The following DCDC2 variants were observed in gnomAD, a reference collection of about 807,000 sequenced individuals.
DCDC2 encodes the protein doublecortin domain-containing protein 2.
Under a neutral mutation model 50.2 loss-of-function variants are expected in DCDC2, and 40 were observed. That is an observed-to-expected ratio of 0.80 (90% CI 0.62 to 1.04). DCDC2 has a LOEUF of 1.04. DCDC2 is among the 50% of genes least tolerant of loss of function. The probability of loss-of-function intolerance (pLI) is 0.00; values close to 1 mark genes in which losing one functional copy is unlikely to be tolerated. For missense variants in DCDC2, 570 were observed against 581.9 expected, an observed-to-expected ratio of 0.98 and a Z score of 0.21; for synonymous variants, 234 against 210.6, an observed-to-expected ratio of 1.11 and a Z score of -0.96.
intron 7 of DCDC2, among the ~76,000 whole-genome samples, chr6:24,251,252 G>C (rs565859827): frequency 6.6e-6 from 1 of 152,126 alleles, no homozygotes. Context: ...TTCAAAACAG[G>C]AGGATACATG....
the DCDC2 span, among the ~76,000 whole-genome samples, chr6:24,367,611 G>C: frequency 1.3e-5 from 2 of 152,174 alleles, no homozygotes; most frequent in Non-Finnish European, 2.9e-5. Flanking sequence ...CAAAATGTGA[G>C]GCAAAGAATT....
At chr6:24,224,802 G>A (rs1309991632) in intron 7 of DCDC2, among the ~76,000 whole-genome samples, 1 of 152,078 alleles carries the variant, frequency 6.6e-6, no homozygotes, top group Non-Finnish European at 1.5e-5. Context: ...ATCATAGGTA[G>A]CACTTACCAC....
chr6:24,301,468 TA>T (rs1759373267), intron 4 of DCDC2, among the ~76,000 whole-genome samples: 1 of 150,468 alleles, frequency 6.6e-6, no homozygotes, highest in Non-Finnish European at 1.5e-5. Flanking sequence ...AATCAAAGAA[TA>T]AAAATCGTTA....
intron 8 of DCDC2, among the ~76,000 whole-genome samples, chr6:24,190,817 G>C (rs1022157656): frequency 2.0e-5 from 3 of 152,202 alleles, no homozygotes; most frequent in Non-Finnish European, 4.4e-5. Flanking sequence ...TATATGACTT[G>C]AAAATAATGA....
chr6:24,340,709 T>C (rs1284487319), intron 2 of DCDC2, among the ~76,000 whole-genome samples: 1 of 152,158 alleles, frequency 6.6e-6, no homozygotes. Context: ...TGATATTAGA[T>C]GACTTATTTT....
At chr6:24,208,464 A>C (rs1761775894) in intron 7 of DCDC2, among the ~76,000 whole-genome samples, 1 of 136,270 alleles carries the variant, frequency 7.3e-6, no homozygotes, top group Non-Finnish European at 1.5e-5. Context: ...TCCGCCTCCC[A>C]GGTTCACACC....
intron 7 of DCDC2, among the ~76,000 whole-genome samples, chr6:24,220,918 G>GCGAGCGAGCGAGAGAGTGAGTGAA (rs1762104304): frequency 6.6e-6 from 1 of 152,080 alleles, no homozygotes; most frequent in Admixed American, 6.5e-5. Flanking sequence ...GAGTGAGCGA[G>GCGAGCGAGCGAGAGAGTGAGTGAA]CGAGCGAGAG....
intron 4 of DCDC2, among the ~76,000 whole-genome samples, chr6:24,301,304 G>A (rs1243996626): frequency 7.0e-6 from 1 of 143,586 alleles, no homozygotes; most frequent in East Asian, 2.1e-4. Context: ...CCGGGAGGCG[G>A]AGCTTGCAGT....
chr6:24,291,554 C>T (rs1377419256), intron 4 of DCDC2, among the ~76,000 whole-genome samples: 1 of 132,338 alleles, frequency 7.6e-6, no homozygotes, highest in African/African-American at 2.8e-5. Context: ...GGCAGGATCT[C>T]GGCTCACTGC....
intron 7 of DCDC2, among the ~76,000 whole-genome samples, chr6:24,250,994 G>A (rs995232655): frequency 6.6e-6 from 1 of 152,090 alleles, no homozygotes; most frequent in African/African-American, 2.4e-5. Context: ...CAAGGAAAGA[G>A]GTATAGTCTA....
intron 7 of DCDC2, among the ~76,000 whole-genome samples, chr6:24,213,544 TAAG>T (rs895365135): frequency 5.9e-5 from 9 of 152,184 alleles, no homozygotes; most frequent in East Asian, 1.9e-4. Context: ...TTAAAATTGG[TAAG>T]AAGGTGATAT....
chr6:24,302,159 T>G (rs1759391182), intron 2 of DCDC2, 115 bp from the exon 3 acceptor site: 1 of 862,592 alleles, frequency 1.2e-6, no homozygotes, highest in Non-Finnish European at 1.8e-6. Flanking sequence ...GTGCCTTTGT[T>G]AAAACCTTGC....
At position 24,313,204 on chromosome 6, in the gene DCDC2, C is replaced by A. The variant is rs548228450; in HGVS notation, c.349-11160G>T. Among the ~76,000 whole-genome samples the A allele has an allele frequency of 5.3e-5, 8 of 152,196 alleles. No homozygotes were observed. The East Asian group carries it at 1.5e-3, about 29-fold the overall frequency. On this transcript the variant is annotated intron_variant, in intron 2 of 9. Coordinates refer to ENST00000378454, the MANE Select transcript of DCDC2 (RefSeq NM_016356.5). ...AATAATTATTTGCAATGGGCACTTA[C>A]AAGAAAATAAATGTTACTTGAATAC...
intron 9 of DCDC2, 52 bp downstream of exon 9, chr6:24,178,278 C>T: frequency 6.7e-7 from 1 of 1,491,084 alleles, no homozygotes; most frequent in Non-Finnish European, 9.2e-7. Context: ...CACGCATGTA[C>T]ACACACACAT....
At chr6:24,318,538 A>G (rs1302482495) in intron 2 of DCDC2, among the ~76,000 whole-genome samples, 1 of 152,068 alleles carries the variant, frequency 6.6e-6, no homozygotes, top group Non-Finnish European at 1.5e-5. Context: ...GTAATTTCTC[A>G]TCATTCATCC....
At chr6:24,253,300 CATT>C (rs1302159776) in intron 7 of DCDC2, among the ~76,000 whole-genome samples, 1 of 152,016 alleles carries the variant, frequency 6.6e-6, no homozygotes, top group Non-Finnish European at 1.5e-5. Flanking sequence ...AAAAATAGTA[CATT>C]ATTATAGATC....
At chr6:24,196,530 C>T (rs781744855) in intron 8 of DCDC2, among the ~76,000 whole-genome samples, 1 of 152,166 alleles carries the variant, frequency 6.6e-6, no homozygotes, top group Non-Finnish European at 1.5e-5. Context: ...CAGCAGTTCT[C>T]ATGCCTCAGC....
At chr6:24,371,255 C>T in the DCDC2 span, among the ~76,000 whole-genome samples, 15 of 122,784 alleles carry the variant, frequency 1.2e-4, no homozygotes, top group Admixed American at 3.4e-4. Flanking sequence ...CCAGCCTGGG[C>T]GACAGTGTGA....
At chr6:24,188,224 A>C (rs1196221765) in intron 8 of DCDC2, among the ~76,000 whole-genome samples, 2 of 152,222 alleles carry the variant, frequency 1.3e-5, no homozygotes, top group Non-Finnish European at 2.9e-5. Context: ...CACTGTGCAC[A>C]GTAGGGCTGT....
Sources: gnomAD v4.1 joint callset for allele counts (sites outside exome capture counted in the v4.1 genomes callset) on GRCh38, gnomAD v4.1.1 for gene constraint, MANE v1.5 for transcripts, NCBI Gene and HGNC (gene_info 2026-07-23, HGNC 2026-07-21) for gene names.